Variants in SFMBT2 observed in about 807,000 individuals in gnomAD.
SFMBT2 encodes the protein scm-like with four MBT domains protein 2.
A neutral mutation model predicts 110.1 loss-of-function variants in SFMBT2; 38 were observed. That is an observed-to-expected ratio of 0.35 (90% CI 0.27 to 0.45). The LOEUF is 0.45. SFMBT2 is among the 20% of genes least tolerant of loss of function. The pLI is 1.00. For missense variants in SFMBT2, 1,011 were observed against 1,094.9 expected, an observed-to-expected ratio of 0.92 and a Z score of 1.08; for synonymous variants, 425 against 425.4, an observed-to-expected ratio of 1.00 and a Z score of 0.01.
intron 1 of SFMBT2, among the ~76,000 whole-genome samples, chr10:7,395,925 G>T (rs1214437208): frequency 6.6e-6 from 1 of 152,110 alleles, no homozygotes; most frequent in East Asian, 1.9e-4. Context: ...TGCTGATGTT[G>T]CAGAGTAGGA....
intron 17 of SFMBT2, among the ~76,000 whole-genome samples, chr10:7,175,516 G>A (rs571203124): frequency 6.6e-6 from 1 of 152,324 alleles, no homozygotes; most frequent in Non-Finnish European, 1.5e-5. Flanking sequence ...TCTTCAGTGA[G>A]GGTGCTGAGG....
chr10:7,365,036 T>C (rs750877153), intron 4 of SFMBT2, among the ~76,000 whole-genome samples: 2 of 152,192 alleles, frequency 1.3e-5, no homozygotes, highest in South Asian at 2.1e-4. Context: ...CAAAGGCAGA[T>C]CTAACAATCT....
chr10:7,304,374 C>A (rs1842636332), intron 4 of SFMBT2, among the ~76,000 whole-genome samples: 1 of 152,150 alleles, frequency 6.6e-6, no homozygotes, highest in African/African-American at 2.4e-5. Context: ...CCTCCCCAGC[C>A]ATGTGGAACT....
chr10:7,307,082 A>C (rs1281045779), intron 4 of SFMBT2, among the ~76,000 whole-genome samples: 1 of 152,246 alleles, frequency 6.6e-6, no homozygotes, highest in Non-Finnish European at 1.5e-5. Flanking sequence ...ATAAATTTTA[A>C]AAGATACCAT....
At chr10:7,284,362 A>C (rs745418502) in intron 5 of SFMBT2, 2 of 1,307,424 alleles carry the variant, frequency 1.5e-6, no homozygotes, top group Non-Finnish European at 9.7e-7. Context: ...TCCGTATCCA[A>C]CAACAAAAAA....
intron 14 of SFMBT2, among the ~76,000 whole-genome samples, chr10:7,198,408 G>A (rs1181341541): frequency 6.6e-6 from 1 of 152,220 alleles, no homozygotes; most frequent in Non-Finnish European, 1.5e-5. Flanking sequence ...GAGTCTTGCA[G>A]GTGAGTAAGA....
At chr10:7,221,285 G>C (rs537500572) in intron 10 of SFMBT2, among the ~76,000 whole-genome samples, 2 of 152,196 alleles carry the variant, frequency 1.3e-5, no homozygotes, top group Non-Finnish European at 2.9e-5. Flanking sequence ...CGTAGTAAAA[G>C]GTCGGGTGTG....
chr10:7,175,932 T>C, intron 17 of SFMBT2, 58 bp downstream of exon 17: 8 of 1,492,260 alleles, frequency 5.4e-6, no homozygotes, highest in Non-Finnish European at 7.3e-6. Flanking sequence ...CCAAATACCT[T>C]AGAGTGCAGT....
At chr10:7,220,652 C>A (rs1455863343) in intron 10 of SFMBT2, 115 bp from the exon 11 acceptor site, 2 of 1,059,344 alleles carry the variant, frequency 1.9e-6, no homozygotes, top group Non-Finnish European at 1.4e-6. Flanking sequence ...ACAAGACAGG[C>A]TCACGTATGT....
chr10:7,319,750 GAGAGAGAGAC>G (rs1843116235), intron 4 of SFMBT2, among the ~76,000 whole-genome samples: 2 of 151,282 alleles, frequency 1.3e-5, no homozygotes, highest in African/African-American at 2.4e-5. Flanking sequence ...GAGAGACAGA[GAGAGAGAGAC>G]AGAGAGAGAC....
intron 1 of SFMBT2, among the ~76,000 whole-genome samples, chr10:7,404,138 G>A (rs1846152883): frequency 1.3e-5 from 2 of 152,274 alleles, no homozygotes; most frequent in South Asian, 4.1e-4. Flanking sequence ...TTAAAATAAA[G>A]AGTATTTGGA....
Position 7,205,997 on chromosome 10 carries a change from A to G in SFMBT2, c.1331-69T>C, listed in dbSNP as rs994234268. 19 of 1,587,028 alleles carry G rather than the reference A, an allele frequency of 1.2e-5. No individual in the cohort carries two copies. In the Admixed American group the frequency reaches 3.3e-4, roughly 28 times the overall value. ...CCAACAAAGAAATAGAAGGACAACAATAATAGAGCATCCCTAACATGGGGA... is the reference window on the plus strand; with the variant it reads ...CCAACAAAGAAATAGAAGGACAACAGTAATAGAGCATCCCTAACATGGGGA... On this transcript the variant is annotated intron_variant, in intron 11 of 20. Coordinates refer to ENST00000397167, the MANE Select transcript of SFMBT2 (RefSeq NM_001387889.1).
Position 7,172,213 on chromosome 10 carries a change from TG to T in SFMBT2, c.2152-56del. 6.6e-7 allele frequency: 1 copy of T among 1,507,998 alleles called. No homozygotes were observed. The highest frequency in any genetic ancestry group is 8.9e-7 in the Non-Finnish European group (1 of 1,128,988). 93.4% of individuals were successfully genotyped at this position (1,507,998 alleles called of 1,614,324 possible). A position where few individuals can be genotyped will look rare whatever the true frequency, so the allele number is the denominator to read the frequency against. On this transcript the variant is annotated intron_variant, in intron 18 of 20. Transcript: ENST00000397167. This position sits in a 1 kb window ranked among gnomAD's most constrained non-coding sequence, Gnocchi z 4.6. ...CTGGTGGCCCGGGGGCCTGTAGCGG[TG>T]GCCCCGCGGTCAGACCCTGGGCCCA...
At chr10:7,361,422 C>T (rs1038229846) in intron 4 of SFMBT2, among the ~76,000 whole-genome samples, 2 of 152,174 alleles carry the variant, frequency 1.3e-5, no homozygotes, top group African/African-American at 4.8e-5. Flanking sequence ...GTCCCATGTG[C>T]CACCTGCCAG....
At chr10:7,371,639 G>A (rs552016162) in intron 2 of SFMBT2, among the ~76,000 whole-genome samples, 18 of 152,324 alleles carry the variant, frequency 1.2e-4, no homozygotes, top group Admixed American at 2.6e-4. Context: ...CAATTGGCAA[G>A]GCCATGATAA....
chr10:7,183,927 T>C (rs1038270281), intron 16 of SFMBT2, among the ~76,000 whole-genome samples: 1 of 152,208 alleles, frequency 6.6e-6, no homozygotes, highest in Admixed American at 6.5e-5. Context: ...GTATGAGGGT[T>C]ACACATGTAA....
intron 4 of SFMBT2, among the ~76,000 whole-genome samples, chr10:7,336,624 A>C (rs868527007): frequency 2.0e-5 from 3 of 151,898 alleles, no homozygotes; most frequent in Middle Eastern, 3.4e-3. Flanking sequence ...ACTGCATTAC[A>C]GCCTAGGTGA....
intron 1 of SFMBT2, among the ~76,000 whole-genome samples, chr10:7,388,076 C>A (rs190480371): frequency 6.6e-6 from 1 of 152,094 alleles, no homozygotes; most frequent in Non-Finnish European, 1.5e-5. Flanking sequence ...GTGGAGCAAG[C>A]GGCATCACGC....
At chr10:7,287,874 C>A (rs1475347701) in intron 4 of SFMBT2, among the ~76,000 whole-genome samples, 1 of 152,198 alleles carries the variant, frequency 6.6e-6, no homozygotes, top group Non-Finnish European at 1.5e-5. Context: ...TACTCAATTT[C>A]TCTTAGACTC....
Sources: allele counts gnomAD v4.1 joint callset (sites outside exome capture counted in the v4.1 genomes callset), GRCh38; gene constraint gnomAD v4.1.1; non-coding constraint Gnocchi (gnomAD v3.1); transcripts MANE v1.5; gene names NCBI Gene and HGNC (gene_info 2026-07-23, HGNC 2026-07-21).